The following SH3BP4 variants were observed in gnomAD, a reference collection of about 807,000 sequenced individuals.
SH3BP4 encodes the protein SH3 domain binding protein 4.
Under a neutral mutation model 65.5 loss-of-function variants are expected in SH3BP4, and 33 were observed. The observed-to-expected ratio is 0.50, with a 90% CI of 0.38 to 0.67. The LOEUF (loss-of-function observed/expected upper bound fraction) is 0.67. Ranked by LOEUF, SH3BP4 falls within the 30% of genes least tolerant of loss-of-function variation. The pLI is 0.00. For missense variants in SH3BP4, 1,134 were observed against 1,261.4 expected (o/e 0.90, Z 1.53); for synonymous variants, 552 against 545.5 (o/e 1.01, Z -0.17).
At chr2:235,006,072 T>G (rs1013733971) in intron 2 of SH3BP4, among the ~76,000 whole-genome samples, 1 of 152,238 alleles carries the variant, frequency 6.6e-6, no homozygotes, top group Non-Finnish European at 1.5e-5. Context: ...CCGCCTGTCC[T>G]GGCATGGTGC....
intron 2 of SH3BP4, among the ~76,000 whole-genome samples, chr2:235,010,072 A>T (rs1694428677): frequency 6.7e-6 from 1 of 148,210 alleles, no homozygotes; most frequent in Non-Finnish European, 1.5e-5. Flanking sequence ...CATCCCCGGG[A>T]TCCCCCAAAC....
intron 2 of SH3BP4, among the ~76,000 whole-genome samples, chr2:235,032,539 G>A (rs1695237495): frequency 6.6e-6 from 1 of 152,208 alleles, no homozygotes; most frequent in Admixed American, 6.5e-5. Flanking sequence ...TCTCCACAGT[G>A]GCCTCCAAGC....
rs1695652600 is a variant in SH3BP4, at chr2:235,041,693, T to C, written c.924T>C (p.Gly308=). Reference sequence around the variant, plus strand: ...TGGACTTGCTTGGCCAAAGCCCTGGTTGGGGCCAGACCCAAGCCGTGGAGA... The same window carrying C: ...TGGACTTGCTTGGCCAAAGCCCTGGCTGGGGCCAGACCCAAGCCGTGGAGA... ...HDLDLLGQSP[G]WGQTQAVETN... Residue 308 remains glycine, a synonymous_variant, in exon 4 of 6, where the codon GGT becomes GGC. Coordinates refer to ENST00000392011, the MANE Select transcript of SH3BP4 (RefSeq NM_014521.3). This position sits in a 1 kb window ranked among gnomAD's most constrained non-coding sequence, Gnocchi z 6.0. 2 of 1,613,172 alleles carry C rather than the reference T, an allele frequency of 1.2e-6. No individual in the cohort carries two copies. The highest frequency in any genetic ancestry group is 1.7e-6 in the Non-Finnish European group (2 of 1,179,534).
intron 1 of SH3BP4, among the ~76,000 whole-genome samples, chr2:234,961,257 C>G (rs1405389612): frequency 6.6e-6 from 1 of 152,032 alleles, no homozygotes; most frequent in Non-Finnish European, 1.5e-5. Flanking sequence ...CATCATTGTC[C>G]CTGTGGTTTT....
intron 1 of SH3BP4, among the ~76,000 whole-genome samples, chr2:234,965,296 C>G (rs956477154): frequency 6.6e-6 from 1 of 152,150 alleles, no homozygotes; most frequent in South Asian, 2.1e-4. Context: ...GGCAGTTCCC[C>G]CTCAGGGAAG....
At chr2:235,032,158 C>T (rs983130445) in intron 2 of SH3BP4, among the ~76,000 whole-genome samples, 33 of 152,296 alleles carry the variant, frequency 2.2e-4, no homozygotes, top group African/African-American at 6.7e-4. Flanking sequence ...GAGCCTCACC[C>T]GGCGCAGTCC....
At chr2:234,987,409 C>T (rs1305028368) in intron 1 of SH3BP4, among the ~76,000 whole-genome samples, 54 of 151,990 alleles carry the variant, frequency 3.6e-4, no homozygotes, top group Admixed American at 3.5e-3. Flanking sequence ...CCCACATGAA[C>T]TTGATGTACG....
chr2:235,038,262 ATAT>A (rs1695461086), intron 3 of SH3BP4, among the ~76,000 whole-genome samples: 1 of 25,234 alleles, frequency 4.0e-5, no homozygotes, highest in African/African-American at 3.9e-4. Flanking sequence ...TATATAATAT[ATAT>A]TATATATAAT....
chr2:234,974,905 C>T lies in SH3BP4; in HGVS notation c.-206-20398C>T, dbSNP rs76149741. On this transcript the variant is annotated intron_variant, in intron 1 of 5. Coordinates refer to ENST00000392011, the MANE Select transcript of SH3BP4 (RefSeq NM_014521.3). This position sits in a 1 kb window ranked among gnomAD's most constrained non-coding sequence, Gnocchi z 4.6. ...ACGCCCTGCCTGCCCCGTTACGTGG[C>T]GATTTGTGATGGGGATCATAATAAA... Among the ~76,000 whole-genome samples, 973 of 152,196 alleles carry T rather than the reference C, an allele frequency of 6.4e-3. 33 individuals are homozygous for T. In the East Asian group the frequency reaches 0.12, roughly 19 times the overall value.
chr2:234,999,691 G>T (rs1360966059), intron 2 of SH3BP4, among the ~76,000 whole-genome samples: 2 of 152,176 alleles, frequency 1.3e-5, no homozygotes, highest in African/African-American at 4.8e-5. Context: ...GGTTCTCAAA[G>T]ACTAAAAAGG....
rs975516809 is a variant in SH3BP4 at position 235,026,145 on chromosome 2, G to C, written c.-132-8726G>C. Among the ~76,000 whole-genome samples, 2 of 152,148 alleles carry C rather than the reference G, an allele frequency of 1.3e-5. No homozygotes were observed. The highest frequency in any genetic ancestry group is 2.9e-5 in the Non-Finnish European group (2 of 68,036). ...GGCCAGGAATAGAGGAAGCAGAGGA[G>C]AGGGGAGGCAGGAAAGGGAGGAGGC... On this transcript the variant is annotated intron_variant, in intron 2 of 5. Transcript: ENST00000392011. This position sits in a 1 kb window ranked among gnomAD's most constrained non-coding sequence, Gnocchi z 4.6.
chr2:234,960,476 G>C (rs920716789), intron 1 of SH3BP4, among the ~76,000 whole-genome samples: 44 of 152,206 alleles, frequency 2.9e-4, no homozygotes, highest in South Asian at 2.1e-4. Flanking sequence ...GCCTGTGTGA[G>C]GGGGTGCTGA....
intron 2 of SH3BP4, among the ~76,000 whole-genome samples, chr2:235,017,045 C>CTTTTTTTTTTTTT (rs995197698): frequency 9.0e-5 from 8 of 88,442 alleles, no homozygotes; most frequent in South Asian, 4.0e-4. Flanking sequence ...GTTTGCCTTT[C>CTTTTTTTTTTTTT]TTTTTTTTTT....
At chr2:234,960,265 G>A (rs576698537) in intron 1 of SH3BP4, among the ~76,000 whole-genome samples, 131 of 151,514 alleles carry the variant, frequency 8.6e-4, no homozygotes, top group African/African-American at 3.0e-3. Flanking sequence ...CTGGTCTCAC[G>A]TTTCCTTACC....
chr2:234,978,518 C>A lies in SH3BP4; in HGVS notation c.-206-16785C>A, dbSNP rs1489992885. Among the ~76,000 whole-genome samples the A allele has an allele frequency of 2.0e-5, 3 of 152,192 alleles. No individual in the cohort carries two copies. The highest frequency in any genetic ancestry group is 4.4e-5 in the Non-Finnish European group (3 of 68,032). ...CTCGCTGACTGGTGCGGTGAACTCT[C>A]CGGCTGGGCTCCTTTCCTGCTGCAG... On this transcript the variant is annotated intron_variant, in intron 1 of 5. Transcript: ENST00000392011. This position sits in a 1 kb window ranked among gnomAD's most constrained non-coding sequence, Gnocchi z 4.1.
Position 234,978,529 on chromosome 2 carries a change from C to T in SH3BP4, c.-206-16774C>T, listed in dbSNP as rs1335017283. On this transcript the variant is annotated intron_variant, in intron 1 of 5. Transcript: ENST00000392011. The surrounding 1 kb of genome is among the most constrained non-coding windows in gnomAD (Gnocchi z 4.1). ...GTGCGGTGAACTCTCCGGCTGGGCT[C>T]CTTTCCTGCTGCAGGTGCCGCGTCT... Among the ~76,000 whole-genome samples, 15 of 152,202 alleles carry T rather than the reference C, an allele frequency of 9.9e-5. No homozygotes were observed. Among genetic ancestry groups the T allele is most frequent in the Non-Finnish European group, 2.2e-4 (15 of 68,038 alleles).
chr2:234,997,559 C>G lies in SH3BP4; in HGVS notation c.-133+2183C>G, dbSNP rs146384425. Among the ~76,000 whole-genome samples, 21 of 152,200 alleles carry G rather than the reference C, an allele frequency of 1.4e-4. No homozygotes were observed. The highest frequency in any genetic ancestry group is 1.4e-3 in the Admixed American group (21 of 15,288). On this transcript the variant is annotated intron_variant, in intron 2 of 5. Transcript: ENST00000392011. This position sits in a 1 kb window ranked among gnomAD's most constrained non-coding sequence, Gnocchi z 4.2. ...GAAACAGGAGGCCTGCAGCAGAGCA[C>G]GGCCGATTGCTCCTCCGGGGAGTGT...
chr2:234,964,545 G>A (rs116777966), intron 1 of SH3BP4, among the ~76,000 whole-genome samples: 216 of 152,176 alleles, frequency 1.4e-3, no homozygotes, highest in Non-Finnish European at 2.2e-3. Flanking sequence ...TTGTACTGGG[G>A]GTCAGGACAG....
chr2:235,030,954 G>C lies in SH3BP4; in HGVS notation c.-132-3917G>C, dbSNP rs1263222841. On this transcript the variant is annotated intron_variant, in intron 2 of 5. Coordinates refer to ENST00000392011, the MANE Select transcript of SH3BP4 (RefSeq NM_014521.3). The surrounding 1 kb of genome is among the most constrained non-coding windows in gnomAD (Gnocchi z 4.1). ...GGGGGCACCTCTGTTACTCACCCCT[G>C]AATGTCTGGATGGGTGTTACAGCTA... 6.6e-6 allele frequency among the ~76,000 whole-genome samples: 1 copy of C among 152,172 alleles called. No homozygotes were observed. Among genetic ancestry groups the C allele is most frequent in the African/African-American group, 2.4e-5 (1 of 41,434 alleles).
Sources: allele counts gnomAD v4.1 joint callset (sites outside exome capture counted in the v4.1 genomes callset), GRCh38; gene constraint gnomAD v4.1.1; non-coding constraint Gnocchi (gnomAD v3.1); transcripts MANE v1.5; gene names NCBI Gene and HGNC (gene_info 2026-07-23, HGNC 2026-07-21).